Variants in CCDC141 observed in about 807,000 individuals in gnomAD.
CCDC141 encodes the protein coiled-coil domain containing 141.
CCDC141 carries 168 observed loss-of-function variants against 181.0 expected under a neutral mutation model. That is an observed-to-expected ratio of 0.93 (90% confidence interval 0.82 to 1.05). The LOEUF (loss-of-function observed/expected upper bound fraction) is 1.05, where lower values mean the gene tolerates loss of function less well. Among genes scored for constraint, CCDC141 ranks in the 50% least tolerant of loss-of-function variants. The pLI is 0.00. For synonymous variants in CCDC141, 666 were observed against 642.3 expected (o/e 1.04, Z -0.56); for missense variants, 1,902 against 1,788.5 (o/e 1.06, Z -1.14).
chr2:178,837,375 T>C lies in CCDC141; in HGVS notation c.3844A>G (p.Thr1282Ala), dbSNP rs1276448585. 1 of 1,613,966 alleles carries C rather than the reference T, an allele frequency of 6.2e-7. No homozygotes were observed. The highest frequency in any genetic ancestry group is 1.3e-5 in the African/African-American group (1 of 74,916). The change falls in exon 23 of 24, where the codon ACA (threonine) becomes GCA (alanine). Residue 1282 changes from threonine to alanine, a missense_variant. Physicochemically the swap from Thr to Ala is moderately conservative, Grantham distance 58. Coordinates refer to ENST00000443758, the MANE Select transcript of CCDC141 (RefSeq NM_173648.4). ...GGCCTCTCAAAATGACTTGAAAATGTTTCTCTCTTATCATTGCATGCATCC... is the reference window on the plus strand; with the variant it reads ...GGCCTCTCAAAATGACTTGAAAATGCTTCTCTCTTATCATTGCATGCATCC... ...FADACNDKRE[T>A]FSSHFERPYL...
At chr2:179,031,586 T>A (rs1220930126) in intron 2 of CCDC141, among the ~76,000 whole-genome samples, 1 of 152,144 alleles carries the variant, frequency 6.6e-6, no homozygotes. Flanking sequence ...GATCATCAAT[T>A]TGAGACATTT....
chr2:178,957,233 C>T (rs1051671827), intron 5 of CCDC141, among the ~76,000 whole-genome samples: 2 of 152,142 alleles, frequency 1.3e-5, no homozygotes, highest in Non-Finnish European at 2.9e-5. Flanking sequence ...GAAACTAATA[C>T]GTATTAAGTA....
In CCDC141 at chr2:178,904,069, A is replaced by G. The variant is rs148855657; in HGVS notation, c.1265+1260T>C. Among the ~76,000 whole-genome samples the G allele has an allele frequency of 8.5e-5, 13 of 152,322 alleles. 1 individual carries two copies. Among genetic ancestry groups the G allele is most frequent in the African/African-American group, 2.9e-4 (12 of 41,584 alleles). ...CATTCTGGAAAAGCTGGAAAAGAGG[A>G]GGAGGAGGAGGAGTTCCTGTATCCA... On this transcript the variant is annotated intron_variant, in intron 8 of 23. Transcript: ENST00000443758.
intron 11 of CCDC141, among the ~76,000 whole-genome samples, chr2:178,881,915 TCACACACACACACACACACA>T (rs55791403): frequency 3.6e-4 from 33 of 92,352 alleles, no homozygotes; most frequent in Admixed American, 3.3e-3. Flanking sequence ...TCTCTCTCTC[TCACACACACACACACACACA>T]CACACACACA....
At chr2:178,816,015 T>C in the CCDC141 span, among the ~76,000 whole-genome samples, 1 of 152,234 alleles carries the variant, frequency 6.6e-6, no homozygotes. Flanking sequence ...AGCTGGCCTT[T>C]GTAATAAATG....
intron 4 of CCDC141, among the ~76,000 whole-genome samples, chr2:178,969,865 T>C (rs1449359757): frequency 6.6e-6 from 1 of 152,166 alleles, no homozygotes; most frequent in Non-Finnish European, 1.5e-5. Context: ...TGATTGTATA[T>C]TTAGAAAACC....
intron 8 of CCDC141, among the ~76,000 whole-genome samples, chr2:178,903,119 G>A (rs1435628546): frequency 1.3e-5 from 2 of 150,244 alleles, no homozygotes; most frequent in Non-Finnish European, 3.0e-5. Flanking sequence ...AGGTGCTGGA[G>A]AGGATGTGGA....
intron 2 of CCDC141, among the ~76,000 whole-genome samples, chr2:179,042,996 G>A (rs1035732440): frequency 6.6e-6 from 1 of 152,068 alleles, no homozygotes; most frequent in East Asian, 1.9e-4. Flanking sequence ...AAGAAGAAAA[G>A]AGAGAAGCAT....
chr2:178,823,595 A>T, the CCDC141 span, among the ~76,000 whole-genome samples: 1 of 152,182 alleles, frequency 6.6e-6, no homozygotes, highest in Non-Finnish European at 1.5e-5. Context: ...GAAAAAACCA[A>T]CAGCTGCTTC....
chr2:179,014,603 T>C (rs772474029), intron 2 of CCDC141, among the ~76,000 whole-genome samples: 21 of 151,974 alleles, frequency 1.4e-4, no homozygotes, highest in South Asian at 1.0e-3. Flanking sequence ...CATCAAAAAG[T>C]AGGCTAAGGA....
At position 179,035,400 on chromosome 2, in the gene CCDC141, T is replaced by C. The variant is rs912362572; in HGVS notation, c.225+11884A>G. The stretch of plus-strand genomic sequence containing the variant: ...CACTGCCTTCAAAGTCCCTATAGGG[T>C]GCTCCTTCTGTATTTGCACTCTGTT... On this transcript the variant is annotated intron_variant, in intron 2 of 23. Coordinates refer to ENST00000443758, the MANE Select transcript of CCDC141 (RefSeq NM_173648.4). Among the ~76,000 whole-genome samples the C allele has an allele frequency of 3.3e-5, 5 of 152,240 alleles. No individual in the cohort carries two copies. The South Asian group carries it at 1.0e-3, about 32-fold the overall frequency.
chr2:178,940,786 T>A (rs1689478549), intron 6 of CCDC141, among the ~76,000 whole-genome samples: 1 of 152,216 alleles, frequency 6.6e-6, no homozygotes, highest in South Asian at 2.1e-4. Flanking sequence ...GGTAAGATAC[T>A]GTCTACTTTA....
intron 2 of CCDC141, among the ~76,000 whole-genome samples, chr2:179,034,360 G>A (rs62175992): frequency 0.12 from 18,986 of 152,064 alleles, 1,297 homozygotes; most frequent in Middle Eastern, 0.19. Flanking sequence ...GTAGAGGGTG[G>A]GAGGAATGAG....
chr2:179,010,541 A>C (rs2042236966), intron 2 of CCDC141, among the ~76,000 whole-genome samples: 1 of 152,166 alleles, frequency 6.6e-6, no homozygotes, highest in African/African-American at 2.4e-5. Context: ...TTTTGTATCC[A>C]GCAAACCTAA....
intron 19 of CCDC141, among the ~76,000 whole-genome samples, chr2:178,854,631 G>T (rs1303200316): frequency 6.6e-6 from 1 of 152,168 alleles, no homozygotes; most frequent in Non-Finnish European, 1.5e-5. Flanking sequence ...TTAGAAGTTG[G>T]TTTTAAATAA....
intron 2 of CCDC141, among the ~76,000 whole-genome samples, chr2:178,979,219 T>G (rs1219283478): frequency 6.6e-6 from 1 of 152,000 alleles, no homozygotes; most frequent in East Asian, 1.9e-4. Flanking sequence ...ATATGAAAAA[T>G]GAAAAGGAAC....
chr2:179,040,825 A>T (rs983436826), intron 2 of CCDC141, among the ~76,000 whole-genome samples: 59 of 152,198 alleles, frequency 3.9e-4, no homozygotes, highest in Non-Finnish European at 7.6e-4. Flanking sequence ...TGCTATCATG[A>T]ATAGTACTGC....
chr2:179,012,683 T>C (rs1353187990), intron 2 of CCDC141, among the ~76,000 whole-genome samples: 1 of 152,138 alleles, frequency 6.6e-6, no homozygotes, highest in Non-Finnish European at 1.5e-5. Context: ...TACAGACTGA[T>C]ATCCTTGATG....
intron 6 of CCDC141, among the ~76,000 whole-genome samples, chr2:178,937,402 T>G (rs1689334382): frequency 6.6e-6 from 1 of 152,354 alleles, no homozygotes; most frequent in Non-Finnish European, 1.5e-5. Context: ...TTTATTGATT[T>G]GCATATGTTG....
Sources: allele counts gnomAD v4.1 joint callset (sites outside exome capture counted in the v4.1 genomes callset), GRCh38; gene constraint gnomAD v4.1.1; transcripts MANE v1.5; gene names NCBI Gene and HGNC (gene_info 2026-07-23, HGNC 2026-07-21).